TRMT9B: variants seen among roughly 807,000 people sequenced by gnomAD.
TRMT9B encodes tRNA methyltransferase 9B (putative), also known as probable tRNA methyltransferase 9B.
A neutral mutation model predicts 11.5 loss-of-function variants in TRMT9B; 16 were observed. The observed-to-expected ratio is 1.39, with a 90% CI of 0.94 to 2.11. The LOEUF (loss-of-function observed/expected upper bound fraction) is 2.11. TRMT9B is among the 30% of genes most tolerant of loss of function. The pLI is 0.00. For missense variants in TRMT9B, 941 were observed against 553.8 expected, an observed-to-expected ratio of 1.70 and a Z score of -7.02; for synonymous variants, 274 against 192.4, an observed-to-expected ratio of 1.42 and a Z score of -3.51.
chr8:13,005,753 A>G (rs1041885671), intron 2 of TRMT9B, among the ~76,000 whole-genome samples: 1 of 152,240 alleles, frequency 6.6e-6, no homozygotes, highest in African/African-American at 2.4e-5. Flanking sequence ...ACTGATACAG[A>G]GACATGGCTG....
intron 4 of TRMT9B, among the ~76,000 whole-genome samples, chr8:13,017,617 T>C (rs963204012): frequency 6.8e-6 from 1 of 146,920 alleles, no homozygotes; most frequent in African/African-American, 2.5e-5. Flanking sequence ...TTGTAGGCTT[T>C]TTTTTTTTTT....
intron 1 of TRMT9B, among the ~76,000 whole-genome samples, chr8:12,964,033 T>C (rs1399111872): frequency 6.6e-6 from 1 of 152,184 alleles, no homozygotes; most frequent in African/African-American, 2.4e-5. Flanking sequence ...GACTCTGATC[T>C]TCTCGTACAT....
chr8:12,952,456 T>G (rs1352018625), intron 1 of TRMT9B: 1 of 282,970 alleles, frequency 3.5e-6, no homozygotes, highest in Non-Finnish European at 7.2e-6. Context: ...GAGACAGCCA[T>G]GCAGTAAGGG....
intron 1 of TRMT9B, among the ~76,000 whole-genome samples, chr8:12,947,834 G>T (rs546514943): frequency 1.3e-5 from 2 of 152,308 alleles, no homozygotes; most frequent in African/African-American, 4.8e-5. Context: ...AGCTCCTTTG[G>T]TTGATTGAAT....
intron 3 of TRMT9B, chr8:13,012,207 A>G: frequency 1.0e-6 from 1 of 985,180 alleles, no homozygotes; most frequent in Non-Finnish European, 1.2e-6. Flanking sequence ...ATCTGTAAGT[A>G]TTCGCCGAAG....
At chr8:12,962,938 G>T (rs1313940860) in intron 1 of TRMT9B, among the ~76,000 whole-genome samples, 1 of 152,128 alleles carries the variant, frequency 6.6e-6, no homozygotes, top group Non-Finnish European at 1.5e-5. Context: ...GACGAGGTAG[G>T]GCTTGTCAAC....
In TRMT9B at chr8:13,025,253, T is replaced by A. The variant is rs766672138; in HGVS notation, c.*3209T>A. 6.0e-6 allele frequency: 1 copy of A among 167,062 alleles called. No homozygotes were observed. The highest frequency in any genetic ancestry group is 2.4e-5 in the African/African-American group (1 of 41,436). The allele number at this position is 167,062 out of a possible 1,614,324, so 10.3% of individuals were successfully genotyped here. A position where few individuals can be genotyped will look rare whatever the true frequency, so the allele number is the denominator to read the frequency against. ...TTGGTTGGCAGCTGGGTACGATGAC[T>A]CACACCTGTACTCCCAGCACTTCAG... On this transcript the variant is annotated 3_prime_UTR_variant, in exon 5 of 5. Transcript: ENST00000524591.
intron 2 of TRMT9B, among the ~76,000 whole-genome samples, chr8:12,992,167 C>G (rs1387702702): frequency 1.3e-5 from 2 of 152,140 alleles, no homozygotes; most frequent in Non-Finnish European, 2.9e-5. Flanking sequence ...TTGAGTGATG[C>G]TCTGTGTTCT....
At chr8:12,957,605 G>C (rs959716715) in intron 1 of TRMT9B, among the ~76,000 whole-genome samples, 1 of 152,202 alleles carries the variant, frequency 6.6e-6, no homozygotes. Context: ...TTTTGAGAGT[G>C]AAGAGGGAAT....
chr8:12,952,228 C>T, intron 1 of TRMT9B: 1 of 446,478 alleles, frequency 2.2e-6, no homozygotes, highest in South Asian at 1.6e-5. Context: ...CAATGGTCTG[C>T]ATAGGGGAGC....
At chr8:12,983,799 CT>C (rs2128874537) in intron 1 of TRMT9B, among the ~76,000 whole-genome samples, 1 of 152,270 alleles carries the variant, frequency 6.6e-6, no homozygotes, top group Non-Finnish European at 1.5e-5. Flanking sequence ...GTACAGTAGC[CT>C]TTTAATCAAA....
chr8:12,955,232 C>G (rs62488975), intron 1 of TRMT9B, among the ~76,000 whole-genome samples: 8 of 152,068 alleles, frequency 5.3e-5, no homozygotes, highest in African/African-American at 1.9e-4. Flanking sequence ...CCTTTGGGAG[C>G]CAGAGGCTGT....
chr8:12,952,497 G>A (rs1334481913), intron 1 of TRMT9B: 2 of 229,984 alleles, frequency 8.7e-6, no homozygotes, highest in African/African-American at 2.3e-5. Context: ...TGTGAGATTG[G>A]ATAAATCAGA....
At chr8:13,020,153 CCT>C in intron 4 of TRMT9B, among the ~76,000 whole-genome samples, 1 of 152,260 alleles carries the variant, frequency 6.6e-6, no homozygotes, top group Middle Eastern at 3.4e-3. Flanking sequence ...CTGTCTCTGC[CCT>C]CACAGCTCAT....
chr8:12,950,424 T>G (rs924423715), intron 1 of TRMT9B, among the ~76,000 whole-genome samples: 1 of 152,190 alleles, frequency 6.6e-6, no homozygotes, highest in African/African-American at 2.4e-5. Flanking sequence ...ATACGTCTTC[T>G]GTGTCCGAAG....
intron 2 of TRMT9B, 76 bp from the exon 3 acceptor site, chr8:13,006,126 A>T: frequency 7.0e-7 from 1 of 1,431,402 alleles, no homozygotes; most frequent in Non-Finnish European, 9.6e-7. Context: ...AGATTTTAGG[A>T]AATCTGCATC....
chr8:12,953,027 C>T (rs970096109), intron 1 of TRMT9B, among the ~76,000 whole-genome samples: 2 of 152,092 alleles, frequency 1.3e-5, no homozygotes, highest in African/African-American at 4.8e-5. Flanking sequence ...CGTGAGCCAC[C>T]GGGCCCGGCT....
chr8:12,976,150 C>G (rs1804409818), intron 1 of TRMT9B, among the ~76,000 whole-genome samples: 1 of 152,134 alleles, frequency 6.6e-6, no homozygotes, highest in African/African-American at 2.4e-5. Context: ...GGACCAGGAC[C>G]CAGTGCCACT....
intron 2 of TRMT9B, among the ~76,000 whole-genome samples, chr8:12,992,487 G>T (rs1450134022): frequency 1.3e-5 from 2 of 151,966 alleles, no homozygotes; most frequent in Non-Finnish European, 2.9e-5. Flanking sequence ...CTAGACTTGG[G>T]CATATTGTCT....
Sources: gnomAD v4.1 joint callset for allele counts (sites outside exome capture counted in the v4.1 genomes callset) on GRCh38, gnomAD v4.1.1 for gene constraint, MANE v1.5 for transcripts, NCBI Gene and HGNC (gene_info 2026-07-23, HGNC 2026-07-21) for gene names.